Variants in RNF130 observed in about 807,000 individuals in gnomAD.
RNF130 encodes E3 ubiquitin-protein ligase RNF130.
A neutral mutation model predicts 44.6 loss-of-function variants in RNF130; 21 were observed. The observed-to-expected ratio is 0.47, with a 90% CI of 0.33 to 0.68. The LOEUF (loss-of-function observed/expected upper bound fraction) is 0.68. Ranked by LOEUF, RNF130 falls within the 30% of genes least tolerant of loss-of-function variation. The pLI is 0.02. For missense variants in RNF130, 479 were observed against 560.6 expected (o/e 0.85, Z 1.47); for synonymous variants, 214 against 210.4 (o/e 1.02, Z -0.15).
chr5:179,927,784 C>A (rs1308731212), intron 7 of RNF130, among the ~76,000 whole-genome samples: 2 of 151,788 alleles, frequency 1.3e-5, no homozygotes, highest in South Asian at 4.2e-4. Context: ...TAGAGATAGG[C>A]TTTCACCATG....
chr5:180,056,795 G>A (rs1764834451), intron 1 of RNF130, among the ~76,000 whole-genome samples: 2 of 152,124 alleles, frequency 1.3e-5, no homozygotes, highest in African/African-American at 2.4e-5. Flanking sequence ...CAGGCCCATG[G>A]ACAGCAGAAT....
Position 179,930,246 on chromosome 5 carries a change from T to C in RNF130, c.1151-9820A>G, listed in dbSNP as rs138427597. ...CTAATTTTTGTATTTTTAGTAGAGA[T>C]GGGGTTTCACCACGTTGGTCAGGCT... On this transcript the variant is annotated intron_variant, in intron 7 of 7. Coordinates refer to the RNF130 transcript ENST00000522208. 3.1e-3 allele frequency among the ~76,000 whole-genome samples: 466 copies of C among 152,138 alleles called. 19 individuals carry two copies. In the East Asian group the frequency reaches 0.07, roughly 23 times the overall value.
intron 3 of RNF130, among the ~76,000 whole-genome samples, chr5:179,997,804 CATT>C (rs976917406): frequency 2.6e-5 from 4 of 151,278 alleles, no homozygotes; most frequent in African/African-American, 7.3e-5. Flanking sequence ...ATTTGAACTT[CATT>C]ATTTTTTTTT....
intron 7 of RNF130, among the ~76,000 whole-genome samples, chr5:179,931,350 A>G (rs1761804946): frequency 6.6e-6 from 1 of 152,244 alleles, no homozygotes; most frequent in Non-Finnish European, 1.5e-5. Context: ...ATCAGCTGTG[A>G]AAACATATTA....
chr5:179,983,214 G>C (rs904590204), intron 3 of RNF130, among the ~76,000 whole-genome samples: 1 of 151,896 alleles, frequency 6.6e-6, no homozygotes, highest in Non-Finnish European at 1.5e-5. Context: ...TATTAAGGAA[G>C]CTTTGCCTAT....
At chr5:179,964,339 C>T (rs1000666305) in intron 7 of RNF130, 1 of 152,160 alleles carries the variant, frequency 6.6e-6, no homozygotes, top group African/African-American at 2.4e-5. Context: ...TTCTCCTTTA[C>T]CTTTTCAGAG....
At chr5:179,990,957 A>T (rs952618299) in intron 3 of RNF130, among the ~76,000 whole-genome samples, 6 of 152,190 alleles carry the variant, frequency 3.9e-5, no homozygotes, top group African/African-American at 7.2e-5. Flanking sequence ...GTTATTTTAT[A>T]ATATTGGAAT....
chr5:179,987,991 G>A (rs113657185), intron 3 of RNF130, among the ~76,000 whole-genome samples: 2 of 152,210 alleles, frequency 1.3e-5, no homozygotes, highest in Admixed American at 1.3e-4. Flanking sequence ...GAATGAGTTA[G>A]AAAGAATTCT....
At chr5:179,953,220 T>A (rs1448838454), downstream of RNF130, among the ~76,000 whole-genome samples, 1 of 151,826 alleles carries the variant, frequency 6.6e-6, no homozygotes, top group African/African-American at 2.4e-5. Flanking sequence ...TATCCCATGC[T>A]CATGAGTTGG....
chr5:179,987,056 T>C (rs1198844384), intron 3 of RNF130, among the ~76,000 whole-genome samples: 2 of 152,172 alleles, frequency 1.3e-5, no homozygotes, highest in African/African-American at 2.4e-5. Context: ...GGTGAACTCT[T>C]TGTTTTTTTT....
chr5:179,976,953 T>A (rs1762727483), intron 5 of RNF130: 2 of 152,216 alleles, frequency 1.3e-5, no homozygotes, highest in African/African-American at 4.8e-5. Flanking sequence ...CTTAGTTTCA[T>A]GCTCCCCAGC....
intron 3 of RNF130, among the ~76,000 whole-genome samples, chr5:179,983,266 T>G (rs950360405): frequency 6.6e-6 from 1 of 152,182 alleles, no homozygotes; most frequent in Non-Finnish European, 1.5e-5. Flanking sequence ...TTCTAGAAAT[T>G]TTATAGTTTC....
chr5:179,940,234 C>CT lies in RNF130; in HGVS notation c.1151-19809dup, dbSNP rs749069307. 1.7e-3 allele frequency: 250 copies of CT among 144,608 alleles called. 2 individuals are homozygous for CT. In the South Asian group the frequency reaches 0.021, roughly 12 times the overall value. The allele number at this position is 144,608 out of a possible 1,614,324, so 9.0% of individuals were successfully genotyped here. The stretch of plus-strand genomic sequence containing the variant: ...CTGAATTGTTCACTTTCTTTTTTTT[C>CT]TTTTTTTTTTTTGAGTTGGAGTCTC... On this transcript the variant is annotated intron_variant, in intron 7 of 7. Coordinates refer to the RNF130 transcript ENST00000522208.
intron 5 of RNF130, among the ~76,000 whole-genome samples, chr5:179,971,196 T>A (rs772765896): frequency 3.3e-5 from 5 of 152,074 alleles, no homozygotes; most frequent in Non-Finnish European, 5.9e-5. Flanking sequence ...AAAAAGGAAC[T>A]TGTGCCCTCC....
At chr5:179,993,036 C>T (rs1349574631) in intron 3 of RNF130, among the ~76,000 whole-genome samples, 1 of 152,162 alleles carries the variant, frequency 6.6e-6, no homozygotes, top group Non-Finnish European at 1.5e-5. Context: ...CATCCATGTC[C>T]CTAAAAAGGA....
chr5:180,062,212 G>T (rs1373620534), intron 1 of RNF130, among the ~76,000 whole-genome samples: 1 of 151,956 alleles, frequency 6.6e-6, no homozygotes, highest in Non-Finnish European at 1.5e-5. Context: ...GCACAGCCAC[G>T]CCTAGATAAT....
At chr5:179,938,953 C>A (rs1248320962) in intron 7 of RNF130, among the ~76,000 whole-genome samples, 2 of 152,252 alleles carry the variant, frequency 1.3e-5, no homozygotes, top group South Asian at 4.1e-4. Flanking sequence ...ACAGGCCGGG[C>A]ACAGCAGCTC....
chr5:180,025,373 A>G (rs1023629913), intron 2 of RNF130, among the ~76,000 whole-genome samples: 1 of 152,240 alleles, frequency 6.6e-6, no homozygotes, highest in Non-Finnish European at 1.5e-5. Flanking sequence ...GAAGCACAGA[A>G]AAGACAAAAA....
chr5:179,958,083 T>C (rs2113695131), intron 8 of RNF130, among the ~76,000 whole-genome samples: 1 of 152,178 alleles, frequency 6.6e-6, no homozygotes, highest in African/African-American at 2.4e-5. Context: ...TTCACTGTTT[T>C]AGCCGGGATG....
Sources: allele counts gnomAD v4.1 joint callset (sites outside exome capture counted in the v4.1 genomes callset), GRCh38; gene constraint gnomAD v4.1.1; transcripts MANE v1.5; gene names NCBI Gene and HGNC (gene_info 2026-07-23, HGNC 2026-07-21).